The following EYS variants were observed in gnomAD, a reference collection of about 807,000 sequenced individuals.
EYS encodes protein eyes shut homolog.
EYS carries 250 observed loss-of-function variants against 282.1 expected under a neutral mutation model. The observed-to-expected ratio is 0.89, with a 90% CI of 0.80 to 0.98. EYS has a LOEUF of 0.98. EYS is among the 50% of genes least tolerant of loss of function. The pLI is 0.00. For synonymous variants in EYS, 1,355 were observed against 1,282.9 expected (o/e 1.06, Z -1.20); for missense variants, 4,016 against 3,709.0 (o/e 1.08, Z -2.15).
intron 19 of EYS, among the ~76,000 whole-genome samples, chr6:64,879,887 A>T (rs963403523): frequency 6.6e-6 from 1 of 152,054 alleles, no homozygotes; most frequent in African/African-American, 2.4e-5. Flanking sequence ...TGGTAGTATA[A>T]TTGTGCCATT....
chr6:65,069,574 CCTTTA>C (rs1474566116), intron 12 of EYS, among the ~76,000 whole-genome samples: 2 of 151,830 alleles, frequency 1.3e-5, no homozygotes, highest in South Asian at 2.1e-4. Flanking sequence ...TGTTTTTTAT[CCTTTA>C]CTTTGTGTGT....
In EYS at chr6:64,844,047, C is replaced by T. The variant is rs528277426; in HGVS notation, c.2993-21225G>A. 5.9e-5 allele frequency among the ~76,000 whole-genome samples: 9 copies of T among 152,230 alleles called. No individual in the cohort carries two copies. In the South Asian group the frequency reaches 1.9e-3, roughly 32 times the overall value. On this transcript the variant is annotated intron_variant, in intron 19 of 42. Transcript: ENST00000503581. ...CTTTCTCATTTTCTCTTGCTGCTGC[C>T]ATGTAAGAGGTGCCTTTCACCTCCC... is the stretch of plus-strand genomic sequence containing the variant.
intron 26 of EYS, among the ~76,000 whole-genome samples, chr6:64,496,667 A>AG (rs1469859177): frequency 4.6e-5 from 7 of 151,982 alleles, no homozygotes; most frequent in African/African-American, 1.7e-4. Context: ...AAACCATTTT[A>AG]GATATCTATT....
intron 12 of EYS, 24 bp from the exon 13 acceptor site, chr6:65,057,751 T>C (rs748682206): frequency 1.6e-6 from 2 of 1,280,304 alleles, no homozygotes; most frequent in African/African-American, 2.9e-5. Context: ...GAAAAAAAAA[T>C]GTTAAGTGTT....
At chr6:64,210,755 G>A (rs966348199) in intron 31 of EYS, among the ~76,000 whole-genome samples, 3 of 152,178 alleles carry the variant, frequency 2.0e-5, no homozygotes, top group African/African-American at 4.8e-5. Flanking sequence ...GGGTGTGTCT[G>A]TGAGGGTGTT....
At chr6:65,144,276 C>T (rs1247642566) in intron 12 of EYS, among the ~76,000 whole-genome samples, 1 of 152,102 alleles carries the variant, frequency 6.6e-6, no homozygotes, top group African/African-American at 2.4e-5. Context: ...ATCTGAGATA[C>T]ACCACTTTGT....
At chr6:64,203,359 A>T (rs1765521555) in intron 31 of EYS, among the ~76,000 whole-genome samples, 1 of 152,130 alleles carries the variant, frequency 6.6e-6, no homozygotes, top group South Asian at 2.1e-4. Flanking sequence ...CATTACTGTA[A>T]ATCTGAGAAT....
intron 26 of EYS, among the ~76,000 whole-genome samples, chr6:64,542,150 A>G (rs1764709301): frequency 6.6e-6 from 1 of 152,124 alleles, no homozygotes; most frequent in South Asian, 2.1e-4. Context: ...CTGAATTTTG[A>G]TGAGCAAATC....
chr6:64,943,055 C>T (rs888662497), intron 15 of EYS, among the ~76,000 whole-genome samples: 1 of 151,850 alleles, frequency 6.6e-6, no homozygotes, highest in South Asian at 2.1e-4. Flanking sequence ...ACTGTTTCAC[C>T]AAACACAAAT....
rs62415793 is a variant in EYS at position 64,551,498 on chromosome 6, A to G, written c.5644+38725T>C. 5.4e-3 allele frequency among the ~76,000 whole-genome samples: 817 copies of G among 151,052 alleles called. 4 individuals are homozygous for G. Among genetic ancestry groups the G allele is most frequent in the Non-Finnish European group, 8.3e-3 (564 of 67,788 alleles). ...AAAAATAAAATTCTAAGCACCCCCA[A>G]TCAACTGAAGAGACCCCTCATCTCA... On this transcript the variant is annotated intron_variant, in intron 26 of 42. Coordinates refer to ENST00000503581, the MANE Select transcript of EYS (RefSeq NM_001142800.2).
intron 12 of EYS, among the ~76,000 whole-genome samples, chr6:65,092,076 A>G (rs1774590417): frequency 6.6e-6 from 1 of 152,116 alleles, no homozygotes; most frequent in South Asian, 2.1e-4. Context: ...TTTGTGAATT[A>G]TTTGACCCAA....
intron 5 of EYS, among the ~76,000 whole-genome samples, chr6:65,481,941 A>T (rs1426032876): frequency 6.6e-6 from 1 of 152,158 alleles, no homozygotes; most frequent in Non-Finnish European, 1.5e-5. Flanking sequence ...TCTATGGAGG[A>T]TTCATCACAA....
chr6:65,573,590 C>T (rs1053362897), intron 2 of EYS, among the ~76,000 whole-genome samples: 1 of 152,174 alleles, frequency 6.6e-6, no homozygotes, highest in African/African-American at 2.4e-5. Context: ...AAACCTGACC[C>T]TGAAGCCCAG....
At chr6:63,772,223 C>G (rs1034792154) in intron 40 of EYS, among the ~76,000 whole-genome samples, 9 of 151,784 alleles carry the variant, frequency 5.9e-5, no homozygotes, top group African/African-American at 2.2e-4. Context: ...TGCAATGGCA[C>G]AATCTTGGCT....
intron 22 of EYS, among the ~76,000 whole-genome samples, chr6:64,651,788 A>G (rs1768571066): frequency 6.6e-6 from 1 of 152,274 alleles, no homozygotes; most frequent in Admixed American, 6.5e-5. Flanking sequence ...CAAAATGAAT[A>G]TGAACATAAA....
In EYS at chr6:65,474,540, T is replaced by C. The variant is rs369305039; in HGVS notation, c.862+16054A>G. On this transcript the variant is annotated intron_variant, in intron 5 of 42. Transcript: ENST00000503581. ...CTCTATTGAAGCTTATTGTGGAATT[T>C]AGCACCATGTATAAGGAAGCCAATG... 2.0e-5 allele frequency among the ~76,000 whole-genome samples: 3 copies of C among 152,198 alleles called. No individual in the cohort carries two copies. The East Asian group carries it at 5.8e-4, about 29-fold the overall frequency.
chr6:64,217,561 G>A (rs746554461), intron 31 of EYS, among the ~76,000 whole-genome samples: 24 of 152,100 alleles, frequency 1.6e-4, no homozygotes, highest in Non-Finnish European at 2.8e-4. Flanking sequence ...ACTGCAGAAA[G>A]AAATACCATT....
chr6:64,408,970 GC>G (rs1184026487), intron 28 of EYS, among the ~76,000 whole-genome samples: 1 of 151,946 alleles, frequency 6.6e-6, no homozygotes, highest in Admixed American at 6.6e-5. Flanking sequence ...CTTCAAGTAG[GC>G]CCTGTGCTTA....
At chr6:64,890,261 T>G (rs527421449) in intron 18 of EYS, among the ~76,000 whole-genome samples, 17 of 152,266 alleles carry the variant, frequency 1.1e-4, no homozygotes, top group Admixed American at 1.3e-4. Flanking sequence ...AATTTCGTCC[T>G]GGTCCTGTGA....
Sources: gnomAD v4.1 joint callset for allele counts (sites outside exome capture counted in the v4.1 genomes callset) on GRCh38, gnomAD v4.1.1 for gene constraint, MANE v1.5 for transcripts, NCBI Gene and HGNC (gene_info 2026-07-23, HGNC 2026-07-21) for gene names.